Variants in ABCA12 observed in about 807,000 individuals in gnomAD.
ABCA12 encodes glucosylceramide transporter ABCA12.
In ABCA12, 156 loss-of-function variants were observed where a neutral mutation model predicts 293.5. The ratio of observed to expected loss-of-function variants is 0.53; its 90% CI spans 0.47 to 0.61. ABCA12 has a LOEUF of 0.61. Ranked by LOEUF, ABCA12 falls within the 20% of genes least tolerant of loss-of-function variation. The pLI, the probability that ABCA12 is intolerant of heterozygous loss-of-function variation, is 0.00. For synonymous variants in ABCA12, 1,063 were observed against 1,108.0 expected (o/e 0.96, Z 0.81); for missense variants, 2,797 against 3,090.2 (o/e 0.91, Z 2.25).
intron 40 of ABCA12, 37 bp downstream of exon 40, chr2:214,958,987 C>A (rs1234378873): frequency 6.3e-7 from 1 of 1,596,196 alleles, no homozygotes; most frequent in Admixed American, 1.7e-5. Context: ...TCAGCTATGT[C>A]AAGGAGAAAG....
chr2:215,138,007 TC>T, intron 1 of ABCA12, 132 bp downstream of exon 1: 1 of 946,000 alleles, frequency 1.1e-6, no homozygotes, highest in African/African-American at 1.6e-5. Context: ...GGGGATGAAT[TC>T]TAAATATCTT....
chr2:215,076,532 G>A (rs1701837961), intron 2 of ABCA12, among the ~76,000 whole-genome samples: 1 of 152,140 alleles, frequency 6.6e-6, no homozygotes, highest in Non-Finnish European at 1.5e-5. Flanking sequence ...AGAGGATATG[G>A]AGGAATGGGA....
chr2:215,098,965 A>G (rs1702299059), intron 2 of ABCA12, among the ~76,000 whole-genome samples: 1 of 152,224 alleles, frequency 6.6e-6, no homozygotes, highest in African/African-American at 2.4e-5. Context: ...GAATCTTGTT[A>G]GGCTGTGTGG....
intron 1 of ABCA12, among the ~76,000 whole-genome samples, chr2:215,114,631 A>G (rs1702649275): frequency 6.6e-6 from 1 of 152,228 alleles, no homozygotes; most frequent in Admixed American, 6.5e-5. Flanking sequence ...TATTGCAAAA[A>G]TATGAGTGCT....
At chr2:215,029,229 G>C (rs1052382949) in intron 9 of ABCA12, 21 of 152,054 alleles carry the variant, frequency 1.4e-4, no homozygotes, top group African/African-American at 5.1e-4. Context: ...TTTGTATTTC[G>C]TACATCATAC....
In ABCA12 at chr2:214,966,148, T is replaced by TA. The variant is rs1699252331; in HGVS notation, c.5884+699dup. 3.3e-5 allele frequency among the ~76,000 whole-genome samples: 5 copies of TA among 152,210 alleles called. No homozygotes were observed. In the South Asian group the frequency reaches 6.2e-4, roughly 19 times the overall value. ...ACTAATGTAGGAACAGAAAACCAAA[T>TA]ACTGCACGTTCTCACTTATAAGTGG... is the stretch of plus-strand genomic sequence containing the variant. On this transcript the variant is annotated intron_variant, in intron 39 of 52. Transcript: ENST00000272895.
intron 23 of ABCA12, among the ~76,000 whole-genome samples, chr2:214,992,585 G>C (rs1485361779): frequency 7.5e-6 from 1 of 133,276 alleles, no homozygotes; most frequent in Admixed American, 7.9e-5. Flanking sequence ...TAACTGGCCG[G>C]GCACAGTGAC....
intron 27 of ABCA12, 26 bp downstream of exon 27, chr2:214,987,621 G>T: frequency 1.2e-6 from 2 of 1,602,406 alleles, no homozygotes; most frequent in Non-Finnish European, 8.5e-7. Context: ...TCATAACAAA[G>T]CACGCTGTTG....
chr2:215,010,223 T>G, intron 18 of ABCA12, 108 bp downstream of exon 18: 1 of 1,334,404 alleles, frequency 7.5e-7, no homozygotes, highest in Non-Finnish European at 1.1e-6. Flanking sequence ...ATAATAATAA[T>G]AGTAGGTAAG....
At chr2:215,116,811 A>G (rs900407771) in intron 1 of ABCA12, among the ~76,000 whole-genome samples, 3 of 152,250 alleles carry the variant, frequency 2.0e-5, no homozygotes, top group African/African-American at 7.2e-5. Flanking sequence ...GACTCAAAAA[A>G]TAAAGAAACA....
intron 2 of ABCA12, among the ~76,000 whole-genome samples, chr2:215,078,005 C>G (rs1701865978): frequency 6.6e-6 from 1 of 152,178 alleles, no homozygotes; most frequent in South Asian, 2.1e-4. Flanking sequence ...AAAGACACAA[C>G]CTAATTTATT....
chr2:215,119,279 C>A lies in ABCA12; in HGVS notation c.70-7589G>T, dbSNP rs143146422. On this transcript the variant is annotated intron_variant, in intron 1 of 52. Coordinates refer to ENST00000272895, the MANE Select transcript of ABCA12 (RefSeq NM_173076.3). Reference sequence around the variant, plus strand: ...AGCCACTACTCCCTGCTGATGATTTCTTTTGCTGGGTAGAAGCTCTTTAAC... The same window carrying A: ...AGCCACTACTCCCTGCTGATGATTTATTTTGCTGGGTAGAAGCTCTTTAAC... Among the ~76,000 whole-genome samples the A allele has an allele frequency of 7.1e-3, 1,080 of 152,242 alleles. 14 individuals carry two copies. The highest frequency in any genetic ancestry group is 0.023 in the African/African-American group (966 of 41,562).
intron 2 of ABCA12, among the ~76,000 whole-genome samples, chr2:215,087,681 C>T (rs1023171904): frequency 6.6e-6 from 1 of 152,094 alleles, no homozygotes; most frequent in African/African-American, 2.4e-5. Context: ...TGGTGGCAGA[C>T]AGTAGAGTGA....
Position 215,106,748 on chromosome 2 carries a change from C to CAAAA in ABCA12, c.163+4845_163+4848dup, listed in dbSNP as rs34394993. On this transcript the variant is annotated intron_variant, in intron 2 of 52. Transcript: ENST00000272895. ...GAAGATAAAGGGTATGCTTTGGAGGCAAAAAAAAAAAAAAAAAGTCAGGCT... is the reference window on the plus strand; with the variant it reads ...GAAGATAAAGGGTATGCTTTGGAGGCAAAAAAAAAAAAAAAAAAAAAGTCAGGCT... Among the ~76,000 whole-genome samples, 5 of 101,596 alleles carry CAAAA rather than the reference C, an allele frequency of 4.9e-5. No homozygotes were observed. In the East Asian group the frequency reaches 1.1e-3, roughly 23 times the overall value. The allele number at this position is 101,596 out of a possible 152,430, so 66.7% of individuals were successfully genotyped here. A position where few individuals can be genotyped will look rare whatever the true frequency, so the allele number is the denominator to read the frequency against.
At chr2:215,103,806 T>C (rs1321769174) in intron 2 of ABCA12, among the ~76,000 whole-genome samples, 1 of 152,160 alleles carries the variant, frequency 6.6e-6, no homozygotes, top group Non-Finnish European at 1.5e-5. Flanking sequence ...TTGTTTTTGC[T>C]ATTTACTTCT....
At chr2:214,969,491 T>C (rs1298576794) in intron 37 of ABCA12, among the ~76,000 whole-genome samples, 1 of 152,082 alleles carries the variant, frequency 6.6e-6, no homozygotes, top group Non-Finnish European at 1.5e-5. Flanking sequence ...TAGAGCTATA[T>C]ATTTTTGACA....
intron 17 of ABCA12, 105 bp from the exon 18 acceptor site, chr2:215,010,575 C>T: frequency 1.6e-6 from 2 of 1,241,954 alleles, no homozygotes; most frequent in African/African-American, 1.5e-5. Context: ...AAAATACATG[C>T]TCTAGTACTT....
chr2:215,080,240 G>C (rs559405316), intron 2 of ABCA12, among the ~76,000 whole-genome samples: 29 of 152,308 alleles, frequency 1.9e-4, no homozygotes, highest in Admixed American at 9.8e-4. Context: ...GCTCATGCCT[G>C]TAATCCCAGG....
chr2:215,005,404 A>G (rs753000408), intron 19 of ABCA12, among the ~76,000 whole-genome samples: 5 of 152,136 alleles, frequency 3.3e-5, no homozygotes, highest in African/African-American at 4.8e-5. Context: ...CTTTTGTTTT[A>G]TTGTCATGGG....
Sources: gnomAD v4.1 joint callset for allele counts (sites outside exome capture counted in the v4.1 genomes callset) on GRCh38, gnomAD v4.1.1 for gene constraint, MANE v1.5 for transcripts, NCBI Gene and HGNC (gene_info 2026-07-23, HGNC 2026-07-21) for gene names.